The following KIFAP3 variants were observed in gnomAD, a reference collection of about 807,000 sequenced individuals.
The protein encoded by KIFAP3 is kinesin-associated protein 3.
Under a neutral mutation model 106.5 loss-of-function variants are expected in KIFAP3, and 68 were observed. The observed-to-expected ratio is 0.64, with a 90% CI of 0.53 to 0.78. KIFAP3 has a LOEUF of 0.78. Ranked by LOEUF, KIFAP3 falls within the 30% of genes least tolerant of loss-of-function variation. KIFAP3 has a pLI of 0.00. For synonymous variants in KIFAP3, 320 were observed against 311.5 expected, an observed-to-expected ratio of 1.03 and a Z score of -0.29; for missense variants, 780 against 941.8, an observed-to-expected ratio of 0.83 and a Z score of 2.25.
chr1:170,065,531 G>A (rs1209923689), intron 1 of KIFAP3, among the ~76,000 whole-genome samples: 2 of 148,758 alleles, frequency 1.3e-5, no homozygotes, highest in African/African-American at 5.0e-5. Flanking sequence ...GGAGAATGGC[G>A]TGAACCCGGG....
At chr1:169,991,930 G>A (rs1667126486) in intron 11 of KIFAP3, among the ~76,000 whole-genome samples, 1 of 151,902 alleles carries the variant, frequency 6.6e-6, no homozygotes, top group African/African-American at 2.4e-5. Flanking sequence ...TAAGTATGTA[G>A]AGAGAAGTGT....
chr1:170,036,041 G>T (rs1245446463), intron 5 of KIFAP3, among the ~76,000 whole-genome samples: 1 of 151,822 alleles, frequency 6.6e-6, no homozygotes, highest in Non-Finnish European at 1.5e-5. Flanking sequence ...TCTATACACA[G>T]AAAAATAAAT....
chr1:169,977,502 T>C (rs538084114), intron 16 of KIFAP3, among the ~76,000 whole-genome samples: 1 of 152,254 alleles, frequency 6.6e-6, no homozygotes, highest in African/African-American at 2.4e-5. Flanking sequence ...CATTGTATCC[T>C]AGGGAGGTTA....
rs192207564 is a variant in KIFAP3 at position 170,042,673 on chromosome 1, G to C, written c.320-3385C>G. On this transcript the variant is annotated intron_variant, in intron 3 of 19. Transcript: ENST00000361580. ...TTGAAAACTTGACCTGTGACTGAGT[G>C]GGAGCTCTATGAAACAGAACAATTC... Among the ~76,000 whole-genome samples the C allele has an allele frequency of 1.1e-3, 172 of 152,272 alleles. 1 individual carries two copies. Among genetic ancestry groups the C allele is most frequent in the Non-Finnish European group, 3.2e-4 (22 of 68,024 alleles).
chr1:169,935,096 CTTA>C (rs1419117236), intron 19 of KIFAP3, among the ~76,000 whole-genome samples: 3 of 151,826 alleles, frequency 2.0e-5, no homozygotes, highest in South Asian at 2.1e-4. Flanking sequence ...TTTAAAAATA[CTTA>C]TTAATGCATT....
intron 17 of KIFAP3, among the ~76,000 whole-genome samples, chr1:169,965,704 A>C (rs1199488247): frequency 2.0e-5 from 3 of 152,048 alleles, no homozygotes; most frequent in Admixed American, 6.6e-5. Context: ...CTTCATAAAC[A>C]ATTGCCCTTC....
At chr1:170,073,877 A>C (rs1375827550) in intron 1 of KIFAP3, among the ~76,000 whole-genome samples, 1 of 152,238 alleles carries the variant, frequency 6.6e-6, no homozygotes, top group Non-Finnish European at 1.5e-5. Context: ...AATGTCCTAC[A>C]AAAATTATGT....
chr1:169,989,142 T>A lies in KIFAP3; in HGVS notation c.1284+3013A>T, dbSNP rs192292301. ...AAAGGTATGGGAGCAATTTTCTGTA[T>A]ACACAGTTTTAAATTGCAATAATAA... On this transcript the variant is annotated intron_variant, in intron 11 of 19. Transcript: ENST00000361580. Among the ~76,000 whole-genome samples the A allele has an allele frequency of 3.9e-5, 6 of 152,146 alleles. No homozygotes were observed. In the East Asian group the frequency reaches 1.2e-3, roughly 29 times the overall value.
At chr1:170,077,652 T>C (rs1019045824), upstream of KIFAP3, among the ~76,000 whole-genome samples, 4 of 152,252 alleles carry the variant, frequency 2.6e-5, no homozygotes, top group Admixed American at 2.6e-4. Context: ...TATAATTACC[T>C]GCACAATCAT....
At chr1:170,052,906 G>A (rs1307718489) in intron 2 of KIFAP3, among the ~76,000 whole-genome samples, 1 of 152,148 alleles carries the variant, frequency 6.6e-6, no homozygotes, top group African/African-American at 2.4e-5. Context: ...GGCAAAAGCT[G>A]GAAGGATTCC....
chr1:170,025,471 A>G (rs564237586), intron 8 of KIFAP3, among the ~76,000 whole-genome samples: 9 of 152,254 alleles, frequency 5.9e-5, no homozygotes, highest in Non-Finnish European at 1.2e-4. Flanking sequence ...AAGAAGAAAT[A>G]CATGCATATG....
chr1:170,016,727 T>G, intron 9 of KIFAP3, 103 bp from the exon 10 acceptor site: 2 of 640,896 alleles, frequency 3.1e-6, no homozygotes, highest in South Asian at 3.2e-5. Context: ...TATATCTGTT[T>G]TATAATTATA....
Position 169,984,645 on chromosome 1 carries a change from C to T in KIFAP3, c.1330G>A (p.Glu444Lys). ...FECSDERIDL[E>K]LISFCINLAA... ...AGATTAATGCAGAAAGAAATGAGTTCCAAGTCAATTCGTTCATCTGAACAT... is the reference window on the plus strand; with the variant it reads ...AGATTAATGCAGAAAGAAATGAGTTTCAAGTCAATTCGTTCATCTGAACAT... Residue 444 changes from glutamate to lysine, a missense_variant, in exon 12 of 20, where the codon GAA (glutamate) becomes AAA (lysine). Transcript: ENST00000361580. 1.2e-6 allele frequency: 2 copies of T among 1,608,678 alleles called. No individual in the cohort carries two copies. Among genetic ancestry groups the T allele is most frequent in the Non-Finnish European group, 1.7e-6 (2 of 1,176,330 alleles).
intron 19 of KIFAP3, among the ~76,000 whole-genome samples, chr1:169,952,642 G>A (rs933687705): frequency 7.9e-5 from 12 of 152,064 alleles, no homozygotes; most frequent in African/African-American, 2.9e-4. Flanking sequence ...AAACTTTGGT[G>A]ATATATACAC....
At chr1:170,060,500 C>T (rs550284461) in intron 1 of KIFAP3, among the ~76,000 whole-genome samples, 20 of 151,860 alleles carry the variant, frequency 1.3e-4, no homozygotes, top group African/African-American at 3.6e-4. Context: ...CACTGCTCAA[C>T]GAAATAAAAG....
At chr1:170,061,041 C>A (rs969907868) in intron 1 of KIFAP3, among the ~76,000 whole-genome samples, 2 of 152,188 alleles carry the variant, frequency 1.3e-5, no homozygotes, top group Non-Finnish European at 2.9e-5. Flanking sequence ...AAATGTTAGA[C>A]CTAAAACCAT....
chr1:170,006,699 A>T (rs1321657), intron 10 of KIFAP3, among the ~76,000 whole-genome samples: 10,869 of 152,184 alleles, frequency 0.071, 434 homozygotes, highest in Non-Finnish European at 0.095. Flanking sequence ...TGAGAAAGAC[A>T]GTGAAAATAG....
Position 169,921,656 on chromosome 1 carries a change from A to G in KIFAP3, c.*20T>C, listed in dbSNP as rs778694011. On this transcript the variant is annotated 3_prime_UTR_variant, in exon 20 of 20. Transcript: ENST00000361580. ...CAGATTTCTTCTAAGCTGAGATTAC[A>G]CATGGAAACAGATACTTTATCAAGA... 6.3e-7 allele frequency: 1 copy of G among 1,576,000 alleles called. No individual in the cohort carries two copies. The highest frequency in any genetic ancestry group is 1.1e-5 in the South Asian group (1 of 89,954).
chr1:169,995,330 T>C (rs968636349), intron 10 of KIFAP3, among the ~76,000 whole-genome samples: 5 of 152,040 alleles, frequency 3.3e-5, no homozygotes, highest in African/African-American at 4.8e-5. Flanking sequence ...TTATTTTTTT[T>C]CCCCCGGAAA....
Sources: gnomAD v4.1 joint callset for allele counts (sites outside exome capture counted in the v4.1 genomes callset) on GRCh38, gnomAD v4.1.1 for gene constraint, MANE v1.5 for transcripts, NCBI Gene and HGNC (gene_info 2026-07-23, HGNC 2026-07-21) for gene names.